The following PAX3 variants were observed in gnomAD, a reference collection of about 807,000 sequenced individuals.
PAX3 encodes the protein paired box protein Pax-3.
In PAX3, 14 loss-of-function variants were observed where a neutral mutation model predicts 51.6. The ratio of observed to expected loss-of-function variants is 0.27; its 90% confidence interval spans 0.18 to 0.42. The LOEUF (loss-of-function observed/expected upper bound fraction) is 0.42. PAX3 is among the 10% of genes least tolerant of loss of function. The pLI is 1.00. For synonymous variants in PAX3, 280 were observed against 253.4 expected (o/e 1.11, Z -1.00); for missense variants, 540 against 642.8 (o/e 0.84, Z 1.73).
At chr2:222,246,244 C>T (rs958757797) in intron 4 of PAX3, among the ~76,000 whole-genome samples, 1 of 152,108 alleles carries the variant, frequency 6.6e-6, no homozygotes, top group African/African-American at 2.4e-5. Context: ...AAAGTAGCCC[C>T]ACTCGTTCTT....
intron 4 of PAX3, among the ~76,000 whole-genome samples, chr2:222,246,363 A>G (rs946530660): frequency 1.3e-5 from 2 of 152,218 alleles, no homozygotes; most frequent in South Asian, 2.1e-4. Context: ...ACTCAAGCTC[A>G]TTCTTCACCA....
At chr2:222,293,807 T>C in intron 4 of PAX3, 1 of 1,613,996 alleles carries the variant, frequency 6.2e-7, no homozygotes, top group East Asian at 2.2e-5. Context: ...GTACCCTCTA[T>C]CCCCGGCCCT....
At position 222,298,790 on chromosome 2, in the gene PAX3, G is replaced by A; in HGVS notation, c.-175C>T. On this transcript the variant is annotated 5_prime_UTR_variant, in exon 1 of 9. Transcript: ENST00000392070. ...GCTGTCGGTTCCTAGTCCAGAGGCC[G>A]GAGCTGGAACCCGGGAAAGGGGAGG... 4 of 657,164 alleles carry A rather than the reference G, an allele frequency of 6.1e-6. No individual in the cohort carries two copies. Among genetic ancestry groups the A allele is most frequent in the East Asian group, 2.7e-5 (1 of 36,664 alleles). The allele number at this position is 657,164 out of a possible 1,614,324, so 40.7% of individuals were successfully genotyped here.
chr2:222,291,622 A>C (rs1695042001), intron 4 of PAX3, among the ~76,000 whole-genome samples: 1 of 152,170 alleles, frequency 6.6e-6, no homozygotes, highest in Non-Finnish European at 1.5e-5. Context: ...CAGGCTCAGC[A>C]GCACCCACCA....
intron 4 of PAX3, among the ~76,000 whole-genome samples, chr2:222,245,123 G>C (rs1443056509): frequency 6.6e-6 from 1 of 152,060 alleles, no homozygotes; most frequent in Non-Finnish European, 1.5e-5. Flanking sequence ...ACTCCAACCT[G>C]GACAACAGAA....
At chr2:222,253,273 G>A (rs1250431145) in intron 4 of PAX3, among the ~76,000 whole-genome samples, 1 of 152,182 alleles carries the variant, frequency 6.6e-6, no homozygotes, top group Non-Finnish European at 1.5e-5. Context: ...CAAATTTACA[G>A]GGGTATCAAC....
chr2:222,244,202 G>A (rs1290569317), intron 4 of PAX3, among the ~76,000 whole-genome samples: 3 of 152,268 alleles, frequency 2.0e-5, no homozygotes, highest in African/African-American at 7.2e-5. Context: ...TTGAAATTTT[G>A]TCTTTTTGTG....
intron 4 of PAX3, among the ~76,000 whole-genome samples, chr2:222,248,132 C>T (rs1341588195): frequency 6.6e-6 from 1 of 151,970 alleles, no homozygotes; most frequent in Non-Finnish European, 1.5e-5. Context: ...GATTAATAAC[C>T]AATTTTATAA....
chr2:222,230,743 T>C (rs962614675), intron 5 of PAX3, among the ~76,000 whole-genome samples: 1 of 150,278 alleles, frequency 6.7e-6, no homozygotes, highest in African/African-American at 2.5e-5. Context: ...TAATCCCAGC[T>C]ACTTGGGAGA....
chr2:222,258,532 C>T (rs1186249646), intron 4 of PAX3, among the ~76,000 whole-genome samples: 1 of 152,114 alleles, frequency 6.6e-6, no homozygotes, highest in Admixed American at 6.5e-5. Context: ...CCTGCCCCTG[C>T]CTTTTTGTTG....
intron 4 of PAX3, among the ~76,000 whole-genome samples, chr2:222,249,903 T>G (rs1693362896): frequency 6.6e-6 from 1 of 152,188 alleles, no homozygotes; most frequent in African/African-American, 2.4e-5. Context: ...TCAATATTCA[T>G]GCTTATAAGC....
At chr2:222,229,658 C>T (rs1441635372) in intron 5 of PAX3, among the ~76,000 whole-genome samples, 1 of 152,142 alleles carries the variant, frequency 6.6e-6, no homozygotes, top group East Asian at 1.9e-4. Context: ...CATAGGATAT[C>T]CTCAGCCTAC....
intron 4 of PAX3, among the ~76,000 whole-genome samples, chr2:222,280,152 A>G (rs1231965275): frequency 1.3e-5 from 2 of 152,096 alleles, no homozygotes; most frequent in Admixed American, 6.6e-5. Flanking sequence ...TGGAGGTTGC[A>G]ATGAGCTGAG....
rs565160022 is a variant in PAX3 at position 222,221,461 on chromosome 2, A to T, written c.793-74T>A. ...ACATTCTTAATGAATTTTTTATGCT[A>T]AAACAGATTAGAGGCTTCTTACTGA... On this transcript the variant is annotated intron_variant, in intron 5 of 8. Coordinates refer to ENST00000392070, the MANE Select transcript of PAX3 (RefSeq NM_181458.4). 2.7e-5 allele frequency: 37 copies of T among 1,379,604 alleles called. No individual in the cohort carries two copies. The East Asian group carries it at 8.2e-4, about 31-fold the overall frequency. The allele number at this position is 1,379,604 out of a possible 1,614,324, so 85.5% of individuals were successfully genotyped here.
Position 222,297,059 on chromosome 2 carries a change from G to A in PAX3, c.240C>T (p.His80=), listed in dbSNP as rs1695338923. The A allele has an allele frequency of 6.2e-7, 1 of 1,614,186 alleles. No individual in the cohort carries two copies. The highest frequency in any genetic ancestry group is 8.5e-7 in the Non-Finnish European group (1 of 1,180,028). The change falls in exon 2 of 9, where the codon CAC becomes CAT. Residue 80 remains histidine (H), a synonymous_variant. Coordinates refer to ENST00000392070, the MANE Select transcript of PAX3 (RefSeq NM_181458.4). ...CVISRQLRVS[H]GCVSKILCRY... ...TGCACAGGATCTTGGAGACGCAGCCGTGGGACACGCGCAGCTGGCGCGAGA... is the reference window on the plus strand; with the variant it reads ...TGCACAGGATCTTGGAGACGCAGCCATGGGACACGCGCAGCTGGCGCGAGA...
In PAX3 at chr2:222,294,291, G is replaced by C; in HGVS notation, c.462C>G (p.Ile154Met). Residue 154 changes from isoleucine to methionine, a missense_variant, in exon 4 of 9, where the codon ATC (isoleucine) becomes ATG (methionine). Transcript: ENST00000392070. The stretch of plus-strand genomic sequence containing the variant: ...CGAATTTACTTCTCAGGATGCGGCT[G>C]ATGGAACTCACTGGGGGCGGGAGGA... ...DRNTVPSVSS[I>M]SRILRSKFGK... The C allele has an allele frequency of 1.2e-6, 2 of 1,614,198 alleles. No individual in the cohort carries two copies. The highest frequency in any genetic ancestry group is 1.7e-6 in the Non-Finnish European group (2 of 1,180,040).
At chr2:222,267,262 T>C (rs1352489342) in intron 4 of PAX3, among the ~76,000 whole-genome samples, 1 of 152,152 alleles carries the variant, frequency 6.6e-6, no homozygotes, top group Non-Finnish European at 1.5e-5. Flanking sequence ...AATCTGCAAG[T>C]CACCAAGGAG....
chr2:222,253,496 GT>G (rs11339606), intron 4 of PAX3, among the ~76,000 whole-genome samples: 17,643 of 152,086 alleles, frequency 0.12, 1,253 homozygotes, highest in East Asian at 0.32. Flanking sequence ...AGAAATAACA[GT>G]AAAACAAGTT....
intron 7 of PAX3, among the ~76,000 whole-genome samples, chr2:222,208,553 T>C (rs1489076787): frequency 2.6e-5 from 4 of 152,172 alleles, no homozygotes; most frequent in Non-Finnish European, 5.9e-5. Context: ...GATACCCTCA[T>C]TCATCACTTA....
Sources: gnomAD v4.1 joint callset for allele counts (sites outside exome capture counted in the v4.1 genomes callset) on GRCh38, gnomAD v4.1.1 for gene constraint, MANE v1.5 for transcripts, NCBI Gene and HGNC (gene_info 2026-07-23, HGNC 2026-07-21) for gene names.